The following TRAPPC3L variants were observed in gnomAD, a reference collection of about 807,000 sequenced individuals.
TRAPPC3L encodes trafficking protein particle complex subunit 3L.
A neutral mutation model predicts 23.7 loss-of-function variants in TRAPPC3L; 23 were observed. The observed-to-expected ratio is 0.97, with a 90% CI of 0.70 to 1.37. The LOEUF (loss-of-function observed/expected upper bound fraction) is 1.37. Among genes scored for constraint, TRAPPC3L ranks in the 40% most tolerant of loss-of-function variants. The probability of loss-of-function intolerance (pLI) is 0.00; values close to 1 mark genes in which losing one functional copy is unlikely to be tolerated. For missense variants in TRAPPC3L, 212 were observed against 216.8 expected (o/e 0.98, Z 0.14); for synonymous variants, 81 against 77.9 (o/e 1.04, Z -0.21).
rs1004645548 is a variant in TRAPPC3L at position 116,497,006 on chromosome 6, C to T, written c.494G>A (p.Gly165Glu). Residue 165 changes from glycine to glutamate, a missense_variant, in exon 5 of 5, where the codon GGA becomes GAA. Coordinates refer to ENST00000368602, the MANE Select transcript of TRAPPC3L (RefSeq NM_001139444.3). ...RLKGDSVTEI[G>E]ITFLKKRDEK... is the part of the protein sequence containing the mutation. ...GTCTCGCTTTTTTAGAAATGTTATT[C>T]CTATTTCTGTCACACTGTCACCTTT... 1.3e-6 allele frequency: 2 copies of T among 1,546,274 alleles called. No homozygotes were observed. The highest frequency in any genetic ancestry group is 1.7e-4 in the Middle Eastern group (1 of 5,978).
chr6:116,499,227 A>T (rs141979024), intron 4 of TRAPPC3L, among the ~76,000 whole-genome samples: 2 of 152,294 alleles, frequency 1.3e-5, no homozygotes, highest in Admixed American at 1.3e-4. Context: ...CCAGTTCATA[A>T]CCTAGTCCAT....
At chr6:116,512,149 A>C in intron 3 of TRAPPC3L, 2 of 1,613,534 alleles carry the variant, frequency 1.2e-6, no homozygotes, top group Middle Eastern at 3.3e-4. Context: ...AGTGCTGGGA[A>C]GAACTTCACA....
intron 4 of TRAPPC3L, among the ~76,000 whole-genome samples, chr6:116,497,756 C>T (rs1180577515): frequency 6.6e-6 from 1 of 152,024 alleles, no homozygotes; most frequent in Non-Finnish European, 1.5e-5. Context: ...GACCTACCCC[C>T]AATAGTGTAT....
intron 3 of TRAPPC3L, chr6:116,516,504 T>C (rs972897960): frequency 6.6e-6 from 1 of 152,080 alleles, no homozygotes; most frequent in African/African-American, 2.4e-5. Context: ...AAATCACAAG[T>C]TGCAAGAATA....
chr6:116,498,426 T>C (rs1420962419), intron 4 of TRAPPC3L, among the ~76,000 whole-genome samples: 1 of 152,378 alleles, frequency 6.6e-6, no homozygotes, highest in Admixed American at 6.5e-5. Context: ...TTTGGATTAC[T>C]TGTTATTCTA....
rs898882859 is a variant in TRAPPC3L, at chr6:116,511,645, G to C, written c.241-10979C>G. On this transcript the variant is annotated intron_variant, in intron 3 of 4. Transcript: ENST00000368602. ...AGCTCCACCCTCGGCCACTGCCACA[G>C]CTGCTCTGCCAATAACAAAGGCACA... The C allele has an allele frequency of 1.3e-5, 20 of 1,553,910 alleles. No individual in the cohort carries two copies. The African/African-American group carries it at 2.6e-4, about 20-fold the overall frequency.
At chr6:116,506,186 C>G (rs919966453) in intron 3 of TRAPPC3L, among the ~76,000 whole-genome samples, 12 of 151,902 alleles carry the variant, frequency 7.9e-5, no homozygotes, top group African/African-American at 2.9e-4. Flanking sequence ...AAAAACAACC[C>G]CATCAAAAAG....
At position 116,496,127 on chromosome 6, in the gene TRAPPC3L, A is replaced by AAT. The variant is rs1771830531; in HGVS notation, c.*825_*826dup. 6.6e-6 allele frequency: 1 copy of AAT among 152,216 alleles called. No individual in the cohort carries two copies. The highest frequency in any genetic ancestry group is 2.4e-5 in the African/African-American group (1 of 41,458). The allele number at this position is 152,216 out of a possible 1,614,324, so 9.4% of individuals were successfully genotyped here. A position where few individuals can be genotyped will look rare whatever the true frequency, so the allele number is the denominator to read the frequency against. ...TTTAATTCGGTACACTTGAATTTTA[A>AAT]ATGTGTTCTGGTCACAAAGAAAACA... On this transcript the variant is annotated 3_prime_UTR_variant, in exon 5 of 5. Coordinates refer to ENST00000368602, the MANE Select transcript of TRAPPC3L (RefSeq NM_001139444.3).
chr6:116,539,676 T>C (rs919887847), intron 3 of TRAPPC3L, among the ~76,000 whole-genome samples: 4 of 152,064 alleles, frequency 2.6e-5, no homozygotes, highest in African/African-American at 7.2e-5. Flanking sequence ...TATAACAATA[T>C]TAAGGACTAG....
intron 3 of TRAPPC3L, among the ~76,000 whole-genome samples, chr6:116,506,809 A>T (rs1772014780): frequency 6.6e-6 from 1 of 152,204 alleles, no homozygotes; most frequent in African/African-American, 2.4e-5. Flanking sequence ...GTGGGAGTTG[A>T]ACAATGAGAA....
At chr6:116,513,695 G>A (rs1157779877) in intron 3 of TRAPPC3L, among the ~76,000 whole-genome samples, 1 of 152,186 alleles carries the variant, frequency 6.6e-6, no homozygotes, top group African/African-American at 2.4e-5. Flanking sequence ...GTTCAGATAG[G>A]CAGGAGGCAG....
rs549209061 is a variant in TRAPPC3L at position 116,503,069 on chromosome 6, A to G, written c.241-2403T>C. On this transcript the variant is annotated intron_variant, in intron 3 of 4. Transcript: ENST00000368602. The stretch of plus-strand genomic sequence containing the variant: ...GGGCTAAATGCCCCAATTAAAAGAC[A>G]CAGACTGGCAAATTGGATGAAGAGT... Among the ~76,000 whole-genome samples the G allele has an allele frequency of 4.6e-5, 7 of 152,330 alleles. No homozygotes were observed. The South Asian group carries it at 8.3e-4, about 18-fold the overall frequency.
chr6:116,512,516 G>C (rs1297077613), intron 3 of TRAPPC3L, among the ~76,000 whole-genome samples: 1 of 152,112 alleles, frequency 6.6e-6, no homozygotes, highest in Non-Finnish European at 1.5e-5. Context: ...CAGTCTCTCT[G>C]GGTCTGTAAA....
chr6:116,495,569 T>A lies in TRAPPC3L; in HGVS notation c.*1385A>T, dbSNP rs946521875. On this transcript the variant is annotated 3_prime_UTR_variant, in exon 5 of 5. Coordinates refer to ENST00000368602, the MANE Select transcript of TRAPPC3L (RefSeq NM_001139444.3). ...GCTGGATCATATGATCATTCTATTT[T>A]TTGTTTTTTGAGGAACCTCCAAACC... 6.6e-6 allele frequency: 1 copy of A among 152,130 alleles called. No homozygotes were observed. The highest frequency in any genetic ancestry group is 2.4e-5 in the African/African-American group (1 of 41,392). The allele number at this position is 152,130 out of a possible 1,614,324, so 9.4% of individuals were successfully genotyped here. A position where few individuals can be genotyped will look rare whatever the true frequency, so the allele number is the denominator to read the frequency against.
At chr6:116,499,323 G>A (rs1169833738) in intron 4 of TRAPPC3L, among the ~76,000 whole-genome samples, 2 of 152,100 alleles carry the variant, frequency 1.3e-5, no homozygotes, top group African/African-American at 4.8e-5. Context: ...TTTACCTGAG[G>A]TTACCATCAT....
chr6:116,524,581 T>C (rs1421815423), intron 3 of TRAPPC3L: 1 of 152,230 alleles, frequency 6.6e-6, no homozygotes. Context: ...CACAGCCTGA[T>C]TTCTGATGCC....
At chr6:116,524,279 C>T (rs1449492437) in intron 3 of TRAPPC3L, 1 of 152,192 alleles carries the variant, frequency 6.6e-6, no homozygotes, top group Admixed American at 6.5e-5. Context: ...ATTCTCTTTA[C>T]ATTTGTATAT....
intron 3 of TRAPPC3L, chr6:116,515,690 C>T: frequency 6.2e-7 from 1 of 1,613,938 alleles, no homozygotes; most frequent in Non-Finnish European, 8.5e-7. Flanking sequence ...TAGCTACCTT[C>T]AGCTGAGTTT....
intron 3 of TRAPPC3L, chr6:116,522,806 T>C (rs781415380): frequency 6.6e-6 from 1 of 152,152 alleles, no homozygotes; most frequent in Non-Finnish European, 1.5e-5. Context: ...TCAACATCAG[T>C]ATCACGATGA....
Sources: allele counts gnomAD v4.1 joint callset (sites outside exome capture counted in the v4.1 genomes callset), GRCh38; gene constraint gnomAD v4.1.1; transcripts MANE v1.5; gene names NCBI Gene and HGNC (gene_info 2026-07-23, HGNC 2026-07-21).